The following SMARCAL1 variants were observed in gnomAD, a reference collection of about 807,000 sequenced individuals.
SMARCAL1 encodes the protein SNF2 related chromatin remodeling annealing helicase 1.
SMARCAL1 carries 58 observed loss-of-function variants against 94.5 expected under a neutral mutation model. The ratio of observed to expected loss-of-function variants is 0.61; its 90% CI spans 0.50 to 0.76. The LOEUF (loss-of-function observed/expected upper bound fraction) is 0.76. SMARCAL1 is among the 30% of genes least tolerant of loss of function. The pLI is 0.00. For synonymous variants in SMARCAL1, 422 were observed against 455.1 expected (o/e 0.93, Z 0.93); for missense variants, 1,051 against 1,177.9 (o/e 0.89, Z 1.58).
chr2:216,476,313 G>GT (rs34418359), intron 15 of SMARCAL1, among the ~76,000 whole-genome samples: 50,480 of 149,080 alleles, frequency 0.34, 8,514 homozygotes, highest in African/African-American at 0.39. Context: ...ATGTTAGGTG[G>GT]TTTTTTTTTT....
intron 12 of SMARCAL1, 99 bp downstream of exon 12, chr2:216,451,163 C>A (rs1694442762): frequency 1.0e-6 from 1 of 961,328 alleles, no homozygotes; most frequent in East Asian, 2.6e-5. Context: ...CTCAGCTTTC[C>A]TTTCTGTAAC....
intron 10 of SMARCAL1, among the ~76,000 whole-genome samples, chr2:216,446,358 G>C (rs147900192): frequency 0.016 from 2,417 of 152,362 alleles, 24 homozygotes; most frequent in South Asian, 0.026. Context: ...ACTGCAAAAT[G>C]AGCCTGAGTC....
At chr2:216,420,051 A>AG (rs1379545274) in intron 4 of SMARCAL1, among the ~76,000 whole-genome samples, 5 of 151,650 alleles carry the variant, frequency 3.3e-5, no homozygotes, top group African/African-American at 1.2e-4. Flanking sequence ...AAAAAAAGAA[A>AG]AAAAAAAAAG....
At chr2:216,444,824 A>G (rs563793814) in intron 10 of SMARCAL1, among the ~76,000 whole-genome samples, 118 of 152,268 alleles carry the variant, frequency 7.7e-4, no homozygotes, top group Non-Finnish European at 1.0e-3. Flanking sequence ...GTCAACTCTT[A>G]ATTTTAAAAC....
At chr2:216,472,786 T>A (rs921383536) in intron 14 of SMARCAL1, among the ~76,000 whole-genome samples, 3 of 39,600 alleles carry the variant, frequency 7.6e-5, no homozygotes, top group African/African-American at 1.7e-4. Flanking sequence ...AAAATAAAAT[T>A]TTTTTTTTTA....
chr2:216,471,615 A>G (rs1358166494), intron 14 of SMARCAL1, among the ~76,000 whole-genome samples: 2 of 152,114 alleles, frequency 1.3e-5, no homozygotes, highest in Non-Finnish European at 2.9e-5. Flanking sequence ...TGGCCTCCCA[A>G]AGTGCTAAGA....
intron 14 of SMARCAL1, among the ~76,000 whole-genome samples, chr2:216,474,057 G>C (rs1695017780): frequency 6.6e-6 from 1 of 150,378 alleles, no homozygotes; most frequent in African/African-American, 2.4e-5. Flanking sequence ...AATCTCCAGA[G>C]AGTGCTGAAT....
rs757540052 is a variant in SMARCAL1 at position 216,414,827 on chromosome 2, C to T, written c.123C>T (p.Ser41=). Reference sequence around the variant, plus strand: ...ATCAGAGGACTAGCTCGGGCACCTCCATTGCTGGCAACCCATTCCAGGCCA... The same window carrying T: ...ATCAGAGGACTAGCTCGGGCACCTCTATTGCTGGCAACCCATTCCAGGCCA... ...EQHQRTSSGT[S]IAGNPFQAKQ... Residue 41 remains serine, a synonymous_variant, in exon 3 of 18, where the codon TCC becomes TCT. Coordinates refer to ENST00000357276, the MANE Select transcript of SMARCAL1 (RefSeq NM_014140.4). 6.2e-7 allele frequency: 1 copy of T among 1,614,186 alleles called. No homozygotes were observed. The highest frequency in any genetic ancestry group is 2.2e-5 in the East Asian group (1 of 44,886).
intron 10 of SMARCAL1, among the ~76,000 whole-genome samples, chr2:216,442,511 C>G (rs1694218906): frequency 6.6e-6 from 1 of 152,028 alleles, no homozygotes; most frequent in South Asian, 2.1e-4. Flanking sequence ...TCCCCAGTCT[C>G]TTTCCTCAAA....
chr2:216,462,415 C>G (rs1694724734), intron 12 of SMARCAL1, among the ~76,000 whole-genome samples: 2 of 152,160 alleles, frequency 1.3e-5, no homozygotes, highest in Admixed American at 1.3e-4. Context: ...CCTTTGGCTA[C>G]TAGAAACTGC....
intron 12 of SMARCAL1, among the ~76,000 whole-genome samples, chr2:216,455,622 G>A (rs1036493260): frequency 1.3e-5 from 2 of 152,206 alleles, no homozygotes; most frequent in African/African-American, 4.8e-5. Context: ...AACTCCAACA[G>A]ACCTGCAGCT....
chr2:216,431,331 G>T (rs373673283), intron 7 of SMARCAL1, among the ~76,000 whole-genome samples: 2 of 152,330 alleles, frequency 1.3e-5, no homozygotes, highest in South Asian at 4.1e-4. Flanking sequence ...TATCCCAGCG[G>T]CTTATTATCA....
At chr2:216,436,238 G>T (rs552572888) in intron 9 of SMARCAL1, among the ~76,000 whole-genome samples, 1 of 152,290 alleles carries the variant, frequency 6.6e-6, no homozygotes, top group African/African-American at 2.4e-5. Flanking sequence ...CAAAGTGCTG[G>T]GATTACAGGC....
At chr2:216,434,019 T>C (rs1193165881) in intron 8 of SMARCAL1, among the ~76,000 whole-genome samples, 1 of 151,912 alleles carries the variant, frequency 6.6e-6, no homozygotes, top group East Asian at 1.9e-4. Context: ...TATTTTATTT[T>C]TTAATGAGAC....
chr2:216,447,908 G>C (rs1181416017), intron 11 of SMARCAL1, among the ~76,000 whole-genome samples: 1 of 152,180 alleles, frequency 6.6e-6, no homozygotes, highest in Non-Finnish European at 1.5e-5. Context: ...TTGTGATCAA[G>C]TCACAAAGGT....
At position 216,475,269 on chromosome 2, in the gene SMARCAL1, C is replaced by T. The variant is rs764751292; in HGVS notation, c.2245C>T (p.His749Tyr). Reference sequence around the variant, plus strand: ...TTGCTTCTGCCCCTTGTTCCTGCAGCACGTGCAGCACATCCGCATCGATGG... The same window carrying T: ...TTGCTTCTGCCCCTTGTTCCTGCAGTACGTGCAGCACATCCGCATCGATGG... ...DAITQELERK[H>Y]VQHIRIDGST... The change falls in exon 15 of 18, where the codon CAC (histidine) becomes TAC (tyrosine). Residue 749 changes from histidine to tyrosine, a missense_variant and splice_region_variant. This residue lies in a region of SMARCAL1 where 642 missense variants were observed against 754.7 expected (regional missense o/e 0.85). Coordinates refer to ENST00000357276, the MANE Select transcript of SMARCAL1 (RefSeq NM_014140.4). This position sits in a 1 kb window ranked among gnomAD's most constrained non-coding sequence, Gnocchi z 4.4. 3.1e-6 allele frequency: 5 copies of T among 1,614,112 alleles called. No individual in the cohort carries two copies. The South Asian group carries it at 4.4e-5, about 14-fold the overall frequency.
At chr2:216,481,184 A>T (rs1695188307) in intron 17 of SMARCAL1, among the ~76,000 whole-genome samples, 2 of 151,722 alleles carry the variant, frequency 1.3e-5, no homozygotes, top group African/African-American at 4.8e-5. Flanking sequence ...TTGATTTTTT[A>T]TATTTATTTA....
chr2:216,481,413 C>T (rs1695195783), intron 17 of SMARCAL1, among the ~76,000 whole-genome samples: 1 of 152,146 alleles, frequency 6.6e-6, no homozygotes, highest in Admixed American at 6.5e-5. Flanking sequence ...CCAGGCTGGT[C>T]TCTAATTCCT....
intron 11 of SMARCAL1, among the ~76,000 whole-genome samples, chr2:216,450,644 T>G (rs1188479299): frequency 1.3e-5 from 2 of 152,216 alleles, no homozygotes; most frequent in Admixed American, 1.3e-4. Flanking sequence ...TTTATTCATC[T>G]CATTCCTGAC....
Sources: allele counts gnomAD v4.1 joint callset (sites outside exome capture counted in the v4.1 genomes callset), GRCh38; gene constraint gnomAD v4.1.1; regional missense constraint gnomAD v4.1.1; non-coding constraint Gnocchi (gnomAD v3.1); transcripts MANE v1.5; gene names NCBI Gene and HGNC (gene_info 2026-07-23, HGNC 2026-07-21).